The following LAMC1 variants were observed in gnomAD, a reference collection of about 807,000 sequenced individuals.
LAMC1 encodes the protein laminin subunit gamma-1.
LAMC1 carries 38 observed loss-of-function variants against 173.6 expected under a neutral mutation model. That is an observed-to-expected ratio of 0.22 (90% confidence interval 0.17 to 0.29). LAMC1 has a LOEUF of 0.29. Among genes scored for constraint, LAMC1 ranks in the 10% least tolerant of loss-of-function variants. The probability of loss-of-function intolerance (pLI) is 1.00; values close to 1 mark genes in which losing one functional copy is unlikely to be tolerated. For missense variants in LAMC1, 1,824 were observed against 2,051.8 expected (o/e 0.89, Z 2.14); for synonymous variants, 746 against 749.1 (o/e 1.00, Z 0.07).
At chr1:183,028,289 C>G (rs1445288599) in intron 1 of LAMC1, among the ~76,000 whole-genome samples, 3 of 152,004 alleles carry the variant, frequency 2.0e-5, no homozygotes, top group East Asian at 1.9e-4. Flanking sequence ...TGCATACATT[C>G]TCATGTTATT....
chr1:183,069,851 G>A (rs1654969666), intron 1 of LAMC1, among the ~76,000 whole-genome samples: 1 of 152,158 alleles, frequency 6.6e-6, no homozygotes, highest in South Asian at 2.1e-4. Context: ...TGCTTCTCCA[G>A]GTAGCCAGCA....
chr1:183,083,691 A>C (rs1655347495), intron 1 of LAMC1, among the ~76,000 whole-genome samples: 1 of 152,222 alleles, frequency 6.6e-6, no homozygotes, highest in East Asian at 1.9e-4. Flanking sequence ...TGTATATTTA[A>C]AATATTTATT....
At chr1:183,064,738 G>A (rs965796917) in intron 1 of LAMC1, among the ~76,000 whole-genome samples, 1 of 152,234 alleles carries the variant, frequency 6.6e-6, no homozygotes, top group African/African-American at 2.4e-5. Context: ...ACATACTTTT[G>A]TACTGTATCG....
At chr1:183,120,885 G>A (rs1021298448) in intron 11 of LAMC1, among the ~76,000 whole-genome samples, 1 of 152,124 alleles carries the variant, frequency 6.6e-6, no homozygotes. Context: ...TGTAACCTGA[G>A]TATTACCTGT....
chr1:183,134,820 T>A lies in LAMC1; in HGVS notation c.3999+11T>A. ...AAGACTGAACAGCAGGTTGGTTTGA[T>A]TTGCAGGTCGCTTCATTTCTTGAGG... On this transcript the variant is annotated intron_variant, in intron 23 of 27. Transcript: ENST00000258341. The A allele has an allele frequency of 6.2e-7, 1 of 1,608,848 alleles. No individual in the cohort carries two copies. The highest frequency in any genetic ancestry group is 1.1e-5 in the South Asian group (1 of 89,858).
rs879453075 is a variant in LAMC1 at position 183,115,618 on chromosome 1, C to T, written c.1309C>T (p.Leu437Phe). The change falls in exon 6 of 28, where the codon CTC becomes TTC. Residue 437 changes from leucine to phenylalanine, a missense_variant. Coordinates refer to ENST00000258341, the MANE Select transcript of LAMC1 (RefSeq NM_002293.4). Reference sequence around the variant, plus strand: ...CCGTTGCCAGCCTGGATTCCATTCTCTCACTGAAGCAGGATGCAGGTAAAA... The same window carrying T: ...CCGTTGCCAGCCTGGATTCCATTCTTTCACTGAAGCAGGATGCAGGTAAAA... ...CDRCQPGFHSLTEAGCRPCSC... is the reference protein window; with the variant it reads ...CDRCQPGFHSFTEAGCRPCSC... The T allele has an allele frequency of 1.9e-6, 3 of 1,612,550 alleles. No individual in the cohort carries two copies. The highest frequency in any genetic ancestry group is 2.5e-6 in the Non-Finnish European group (3 of 1,178,546).
At chr1:183,076,614 T>C (rs1655124981) in intron 1 of LAMC1, among the ~76,000 whole-genome samples, 1 of 152,190 alleles carries the variant, frequency 6.6e-6, no homozygotes, top group African/African-American at 2.4e-5. Context: ...CACACCAGCA[T>C]ATCCTACCTT....
intron 1 of LAMC1, among the ~76,000 whole-genome samples, chr1:183,032,135 G>A (rs1653864058): frequency 1.3e-5 from 2 of 152,148 alleles, no homozygotes; most frequent in Non-Finnish European, 2.9e-5. Context: ...AAGTATGTCT[G>A]CTTTTCTATG....
intron 2 of LAMC1, among the ~76,000 whole-genome samples, chr1:183,105,504 G>T (rs1381513915): frequency 6.6e-6 from 1 of 152,126 alleles, no homozygotes; most frequent in Non-Finnish European, 1.5e-5. Flanking sequence ...CACCCAGTCA[G>T]CCTGTCTTGA....
intron 24 of LAMC1, among the ~76,000 whole-genome samples, 182 bp downstream of exon 24, chr1:183,135,338 T>A (rs1028673959): frequency 1.3e-5 from 2 of 151,792 alleles, no homozygotes; most frequent in African/African-American, 4.8e-5. Flanking sequence ...TCAGTATGGA[T>A]TTTTTTTTAA....
In LAMC1 at chr1:183,125,566, CT is replaced by C. The variant is rs1443829836; in HGVS notation, c.2801+19del. The C allele has an allele frequency of 1.3e-6, 2 of 1,519,764 alleles. No homozygotes were observed. The highest frequency in any genetic ancestry group is 1.8e-6 in the Non-Finnish European group (2 of 1,132,652). 94.1% of individuals were successfully genotyped at this position (1,519,764 alleles called of 1,614,324 possible). On this transcript the variant is annotated intron_variant, in intron 15 of 27. Transcript: ENST00000258341. ...GCTGTGAGAGGTGAGACATAGGTGC[CT>C]TTGGTGAAAGTAATCTTTGCTTTTT...
chr1:183,116,102 C>T lies in LAMC1; in HGVS notation c.1328+465C>T, dbSNP rs572987275. 4.2e-5 allele frequency among the ~76,000 whole-genome samples: 6 copies of T among 142,154 alleles called. No homozygotes were observed. The East Asian group carries it at 8.4e-4, about 20-fold the overall frequency. The allele number at this position is 142,154 out of a possible 152,430, so 93.3% of individuals were successfully genotyped here. On this transcript the variant is annotated intron_variant, in intron 6 of 27. Transcript: ENST00000258341. ...CCGAGATCGCGCCACTGCACTCCAG[C>T]GTGGGTGACAGAGCGAGACTCTGTC...
intron 1 of LAMC1, among the ~76,000 whole-genome samples, chr1:183,063,953 T>C (rs1654802238): frequency 6.6e-6 from 1 of 152,248 alleles, no homozygotes; most frequent in Admixed American, 6.5e-5. Flanking sequence ...GTTATGATAA[T>C]TTACTTTGAA....
At chr1:183,057,045 C>G (rs949552206) in intron 1 of LAMC1, among the ~76,000 whole-genome samples, 1 of 152,198 alleles carries the variant, frequency 6.6e-6, no homozygotes, top group Non-Finnish European at 1.5e-5. Flanking sequence ...ATAAAAGAGT[C>G]TGCGCTTTCA....
intron 1 of LAMC1, among the ~76,000 whole-genome samples, chr1:183,075,051 A>G (rs752397932): frequency 2.0e-5 from 3 of 151,890 alleles, no homozygotes; most frequent in Non-Finnish European, 4.4e-5. Flanking sequence ...TCCAAGATAG[A>G]TTATTAAAAT....
intron 1 of LAMC1, among the ~76,000 whole-genome samples, chr1:183,057,804 G>A (rs906525268): frequency 6.6e-5 from 10 of 152,036 alleles, no homozygotes; most frequent in Non-Finnish European, 1.5e-4. Flanking sequence ...CTGAAGGGTT[G>A]GGAAGTTGAA....
intron 18 of LAMC1, among the ~76,000 whole-genome samples, chr1:183,129,648 A>G (rs139747641): frequency 6.6e-5 from 10 of 151,860 alleles, no homozygotes; most frequent in African/African-American, 2.2e-4. Flanking sequence ...AATTTACTTA[A>G]TGGTTTTTAT....
At chr1:183,074,986 A>T (rs559587096) in intron 1 of LAMC1, among the ~76,000 whole-genome samples, 1 of 152,194 alleles carries the variant, frequency 6.6e-6, no homozygotes, top group South Asian at 2.1e-4. Context: ...AAAGAATTAT[A>T]CTGAAACAAG....
At chr1:183,115,499 A>G (rs1656292475) in intron 5 of LAMC1, 21 bp from the exon 6 acceptor site, 1 of 1,553,764 alleles carries the variant, frequency 6.4e-7, no homozygotes, top group South Asian at 1.1e-5. Context: ...TTTGTTTGAC[A>G]ATAGGCATTT....
Sources: gnomAD v4.1 joint callset for allele counts (sites outside exome capture counted in the v4.1 genomes callset) on GRCh38, gnomAD v4.1.1 for gene constraint, MANE v1.5 for transcripts, NCBI Gene and HGNC (gene_info 2026-07-23, HGNC 2026-07-21) for gene names.